GRHL3: variants seen among roughly 807,000 people sequenced by gnomAD.
GRHL3 encodes the protein grainyhead like transcription factor 3, also known as grainyhead-like protein 3 homolog.
GRHL3 carries 20 observed loss-of-function variants against 70.3 expected under a neutral mutation model. The ratio of observed to expected loss-of-function variants is 0.28; its 90% CI spans 0.20 to 0.41. GRHL3 has a LOEUF of 0.41. Ranked by LOEUF, GRHL3 falls within the 10% of genes least tolerant of loss-of-function variation. GRHL3 has a pLI of 1.00. For synonymous variants in GRHL3, 299 were observed against 299.9 expected (o/e 1.00, Z 0.03); for missense variants, 637 against 762.3 (o/e 0.84, Z 1.94).
downstream of GRHL3, chr1:24,358,133 T>G (rs1302142204): frequency 2.4e-5 from 11 of 450,390 alleles, no homozygotes; most frequent in Non-Finnish European, 4.4e-5. Context: ...AATGAAGGAA[T>G]GAAACAGGGA....
intron 14 of GRHL3, among the ~76,000 whole-genome samples, chr1:24,349,300 C>G (rs6686133): frequency 5.3e-5 from 8 of 152,144 alleles, no homozygotes; most frequent in South Asian, 2.1e-4. Context: ...TCGGATGTGA[C>G]GGAGTCAGTT....
Position 24,338,054 on chromosome 1 carries a change from G to A in GRHL3, c.903G>A (p.Lys301=). Residue 301 remains lysine, a synonymous_variant, in exon 7 of 16, where the codon AAG becomes AAA. Transcript: ENST00000361548. ...KVPVEQLRFW[K]HWHSRQPTAK... The stretch of plus-strand genomic sequence containing the variant: ...CAGTAGAGCAGCTGCGCTTCTGGAA[G>A]CACTGGCATTCCCGGCAACCCACTG... The A allele has an allele frequency of 6.2e-7, 1 of 1,613,252 alleles. No homozygotes were observed. The highest frequency in any genetic ancestry group is 1.1e-5 in the South Asian group (1 of 90,922).
Position 24,342,346 on chromosome 1 carries a change from C to T in GRHL3, c.1206+73C>T, listed in dbSNP as rs1640076631. 3 of 1,313,566 alleles carry T rather than the reference C, an allele frequency of 2.3e-6. No homozygotes were observed. Among genetic ancestry groups the T allele is most frequent in the Admixed American group, 4.4e-5 (2 of 45,058 alleles). 81.4% of individuals were successfully genotyped at this position (1,313,566 alleles called of 1,614,324 possible). A position where few individuals can be genotyped will look rare whatever the true frequency, so the allele number is the denominator to read the frequency against. The stretch of plus-strand genomic sequence containing the variant: ...GGCCAAACCCTGACCCGTGCGTCCT[C>T]CTAGCTTCTCTGGGTTGTCTGTCTC... On this transcript the variant is annotated intron_variant, in intron 9 of 15. Transcript: ENST00000361548. The surrounding 1 kb of genome is among the most constrained non-coding windows in gnomAD (Gnocchi z 4.8).
At position 24,360,761 on chromosome 1, in the gene GRHL3, A is replaced by G. The variant is rs1018339461; in HGVS notation, c.1695-3424A>G. On this transcript the variant is annotated intron_variant, in intron 15 of 15. Transcript: ENST00000350501. ...ATCCCTGTAACCTATTTGGGAAACA[A>G]CCTATAAATCAATGGCATTTGATGA... The G allele has an allele frequency of 1.2e-5, 14 of 1,202,992 alleles. No individual in the cohort carries two copies. The African/African-American group carries it at 1.8e-4, about 16-fold the overall frequency. 74.5% of individuals were successfully genotyped at this position (1,202,992 alleles called of 1,614,324 possible). A position where few individuals can be genotyped will look rare whatever the true frequency, so the allele number is the denominator to read the frequency against.
chr1:24,349,404 G>A (rs555066012), intron 14 of GRHL3, among the ~76,000 whole-genome samples: 12 of 152,204 alleles, frequency 7.9e-5, no homozygotes, highest in Non-Finnish European at 1.8e-4. Context: ...GCCTAAAAGG[G>A]GGAGATGTCT....
chr1:24,342,841 G>A lies in GRHL3; in HGVS notation c.1286-51G>A, dbSNP rs1013361998. 15 of 1,613,958 alleles carry A rather than the reference G, an allele frequency of 9.3e-6. No homozygotes were observed. Among genetic ancestry groups the A allele is most frequent in the Non-Finnish European group, 1.2e-5 (14 of 1,179,908 alleles). On this transcript the variant is annotated intron_variant, in intron 10 of 15. Transcript: ENST00000361548. The surrounding 1 kb of genome is among the most constrained non-coding windows in gnomAD (Gnocchi z 4.8). The stretch of plus-strand genomic sequence containing the variant: ...GGGGAGAAGGAGACCAGAGGTGGGA[G>A]GGACTTGAGTGGAGGGACCTCGGGG...
intron 1 of GRHL3, chr1:24,323,061 A>G: frequency 6.5e-7 from 1 of 1,546,026 alleles, no homozygotes; most frequent in Non-Finnish European, 8.7e-7. Context: ...CAAACTGTTA[A>G]GAGTGGTTAT....
chr1:24,328,589 C>T (rs547680556), intron 1 of GRHL3, among the ~76,000 whole-genome samples: 4 of 152,306 alleles, frequency 2.6e-5, no homozygotes, highest in African/African-American at 9.6e-5. Context: ...TAAGGTAACT[C>T]ACAGCATCAA....
At chr1:24,338,611 C>T (rs1639918493) in intron 7 of GRHL3, among the ~76,000 whole-genome samples, 1 of 152,260 alleles carries the variant, frequency 6.6e-6, no homozygotes. Context: ...ACCTCACCTT[C>T]CTGAGCCTCA....
chr1:24,358,263 G>T (rs1027397600), downstream of GRHL3: 4 of 634,160 alleles, frequency 6.3e-6, no homozygotes, highest in Admixed American at 8.4e-5. Flanking sequence ...CTGGATGGGT[G>T]CGTGGGGAAG....
Position 24,322,336 on chromosome 1 carries a change from C to G in GRHL3, c.17+2768C>G, listed in dbSNP as rs776234880. On this transcript the variant is annotated intron_variant, in intron 1 of 15. Transcript: ENST00000361548. The surrounding 1 kb of genome is among the most constrained non-coding windows in gnomAD (Gnocchi z 4.4). ...CAGTCCTGACCGCGGCCGCCGCCGC[C>G]GTTCTATCTGATCTCCAGGAGCGCC... Among the ~76,000 whole-genome samples, 8 of 152,126 alleles carry G rather than the reference C, an allele frequency of 5.3e-5. No individual in the cohort carries two copies. The highest frequency in any genetic ancestry group is 1.2e-4 in the Non-Finnish European group (8 of 68,010).
At chr1:24,327,752 C>T (rs1639449981) in intron 1 of GRHL3, among the ~76,000 whole-genome samples, 1 of 152,212 alleles carries the variant, frequency 6.6e-6, no homozygotes, top group Admixed American at 6.5e-5. Context: ...ATGAGTAGGA[C>T]TCACTCCTTC....
intron 15 of GRHL3, among the ~76,000 whole-genome samples, chr1:24,362,103 C>T (rs1253594166): frequency 2.6e-5 from 4 of 152,178 alleles, no homozygotes; most frequent in African/African-American, 9.7e-5. Context: ...TCCCCAGCTT[C>T]CCCCAGCACT....
chr1:24,351,326 C>G (rs962341417), intron 15 of GRHL3, among the ~76,000 whole-genome samples: 1 of 152,272 alleles, frequency 6.6e-6, no homozygotes, highest in South Asian at 2.1e-4. Flanking sequence ...GCCTGCCTTC[C>G]TCCTCCTTGG....
intron 1 of GRHL3, among the ~76,000 whole-genome samples, chr1:24,328,339 G>A (rs1354523541): frequency 6.6e-6 from 1 of 152,152 alleles, no homozygotes; most frequent in Non-Finnish European, 1.5e-5. Flanking sequence ...ATCTCTCAGG[G>A]CTGTTGTGTG....
chr1:24,360,086 A>G (rs1455029949), downstream of GRHL3, among the ~76,000 whole-genome samples: 1 of 152,198 alleles, frequency 6.6e-6, no homozygotes, highest in Non-Finnish European at 1.5e-5. Flanking sequence ...CCTGCTCTCC[A>G]GGGCTTCCTC....
At position 24,348,104 on chromosome 1, in the gene GRHL3, A is replaced by G. The variant is rs1314772683; in HGVS notation, c.1629+551A>G. Reference sequence around the variant, plus strand: ...CAAAAACTAAGCAAACACAGCGTCCACCAGGGTCAGCTGTGGCTGAAGGTG... The same window carrying G: ...CAAAAACTAAGCAAACACAGCGTCCGCCAGGGTCAGCTGTGGCTGAAGGTG... On this transcript the variant is annotated intron_variant, in intron 14 of 15. Transcript: ENST00000361548. 3.3e-5 allele frequency among the ~76,000 whole-genome samples: 5 copies of G among 152,330 alleles called. No homozygotes were observed. In the East Asian group the frequency reaches 9.7e-4, roughly 29 times the overall value.
intron 14 of GRHL3, among the ~76,000 whole-genome samples, chr1:24,349,431 C>T (rs933108555): frequency 1.3e-5 from 2 of 152,218 alleles, no homozygotes; most frequent in African/African-American, 4.8e-5. Context: ...TCCCCTGTCC[C>T]AGCAGGGCAA....
At chr1:24,323,717 C>T (rs918571958) in intron 1 of GRHL3, among the ~76,000 whole-genome samples, 4 of 152,214 alleles carry the variant, frequency 2.6e-5, no homozygotes, top group African/African-American at 7.2e-5. Context: ...CTTCCCTCCC[C>T]TCTCTGGAAC....
Sources: gnomAD v4.1 joint callset for allele counts (sites outside exome capture counted in the v4.1 genomes callset) on GRCh38, gnomAD v4.1.1 for gene constraint, Gnocchi (gnomAD v3.1) non-coding constraint, MANE v1.5 for transcripts, NCBI Gene and HGNC (gene_info 2026-07-23, HGNC 2026-07-21) for gene names.